Variants in CAST observed in about 807,000 individuals in gnomAD.
The protein encoded by CAST is MIR583 host.
A neutral mutation model predicts 119.6 loss-of-function variants in CAST; 76 were observed. That is an observed-to-expected ratio of 0.64 (90% CI 0.53 to 0.77). The LOEUF (loss-of-function observed/expected upper bound fraction) is 0.77. Among genes scored for constraint, CAST ranks in the 30% least tolerant of loss-of-function variants. The pLI, the probability that CAST is intolerant of heterozygous loss-of-function variation, is 0.00. For missense variants in CAST, 953 were observed against 946.5 expected, an observed-to-expected ratio of 1.01 and a Z score of -0.09; for synonymous variants, 319 against 331.6, an observed-to-expected ratio of 0.96 and a Z score of 0.41.
chr5:96,640,333 G>A (rs1242900890), intron 1 of CAST, among the ~76,000 whole-genome samples: 1 of 152,156 alleles, frequency 6.6e-6, no homozygotes, highest in African/African-American at 2.4e-5. Context: ...AGGAAGAAGA[G>A]AAGAAAGAGA....
chr5:96,157,526 T>A, the CAST span, among the ~76,000 whole-genome samples: 6 of 152,216 alleles, frequency 3.9e-5, no homozygotes, highest in Admixed American at 2.0e-4. Flanking sequence ...CTAGCATAGA[T>A]CTCCCTTACA....
the CAST span, among the ~76,000 whole-genome samples, chr5:96,377,867 T>C: frequency 5.9e-5 from 9 of 152,182 alleles, no homozygotes; most frequent in East Asian, 1.9e-4. Flanking sequence ...TTTTAATTTA[T>C]TGCTGCATTA....
chr5:96,748,947 C>T (rs182163915), intron 19 of CAST, among the ~76,000 whole-genome samples: 2 of 152,268 alleles, frequency 1.3e-5, no homozygotes, highest in Admixed American at 6.5e-5. Flanking sequence ...TCATGTCCGC[C>T]GGACTCATTC....
At chr5:96,248,716 A>G in the CAST span, among the ~76,000 whole-genome samples, 1 of 152,256 alleles carries the variant, frequency 6.6e-6, no homozygotes, top group African/African-American at 2.4e-5. Context: ...ATAATAATTC[A>G]CAATGAAATA....
the CAST span, among the ~76,000 whole-genome samples, chr5:95,972,207 T>A: frequency 1.3e-5 from 2 of 152,096 alleles, no homozygotes; most frequent in African/African-American, 4.8e-5. Flanking sequence ...AGTGTTGGGT[T>A]TACAGGTGTG....
the CAST span, among the ~76,000 whole-genome samples, chr5:96,015,693 G>T: frequency 1.3e-5 from 2 of 152,146 alleles, no homozygotes; most frequent in African/African-American, 4.8e-5. Flanking sequence ...CGAGCACATT[G>T]CTAGGCCCAC....
At chr5:96,396,210 A>G in the CAST span, among the ~76,000 whole-genome samples, 1 of 152,190 alleles carries the variant, frequency 6.6e-6, no homozygotes, top group Non-Finnish European at 1.5e-5. Context: ...ACAAACGACT[A>G]TAGAATTTGT....
At chr5:96,031,232 C>CAAA in the CAST span, among the ~76,000 whole-genome samples, 1 of 63,680 alleles carries the variant, frequency 1.6e-5, no homozygotes, top group African/African-American at 6.0e-5. Flanking sequence ...AGAACATGAC[C>CAAA]AAAAAAAAAA....
At chr5:96,302,399 C>T in the CAST span, among the ~76,000 whole-genome samples, 3 of 152,252 alleles carry the variant, frequency 2.0e-5, no homozygotes, top group Admixed American at 6.5e-5. Flanking sequence ...ACATTTGCTT[C>T]GTCTTTACTT....
At chr5:96,335,605 T>A in the CAST span, among the ~76,000 whole-genome samples, 1 of 152,176 alleles carries the variant, frequency 6.6e-6, no homozygotes, top group African/African-American at 2.4e-5. Flanking sequence ...TCAGCTACCA[T>A]CTGTATAGTA....
chr5:96,089,829 A>G, the CAST span, among the ~76,000 whole-genome samples: 2 of 152,244 alleles, frequency 1.3e-5, no homozygotes, highest in South Asian at 4.1e-4. Flanking sequence ...CTTCAAGTAA[A>G]TAGGTAACTA....
At chr5:96,727,264 C>T (rs934744952) in intron 5 of CAST, among the ~76,000 whole-genome samples, 3 of 152,126 alleles carry the variant, frequency 2.0e-5, no homozygotes, top group African/African-American at 7.2e-5. Flanking sequence ...ATAAATTGCT[C>T]CCTGAATAGT....
intron 1 of CAST, among the ~76,000 whole-genome samples, chr5:96,592,547 C>T (rs7725567): frequency 0.43 from 65,916 of 151,804 alleles, 15,594 homozygotes; most frequent in East Asian, 0.66. Context: ...CTAAAGAATC[C>T]CAGTTTTAGC....
At chr5:96,009,062 G>C in the CAST span, among the ~76,000 whole-genome samples, 1 of 152,122 alleles carries the variant, frequency 6.6e-6, no homozygotes, top group Non-Finnish European at 1.5e-5. Flanking sequence ...AGAACATGCA[G>C]TATTTATTTT....
chr5:96,554,036 C>A (rs1052863637), intron 1 of CAST, among the ~76,000 whole-genome samples: 1 of 152,198 alleles, frequency 6.6e-6, no homozygotes, highest in East Asian at 1.9e-4. Flanking sequence ...ACTTTCTTCA[C>A]AGAATTGGAA....
chr5:96,672,811 T>C (rs1258898796), intron 1 of CAST, among the ~76,000 whole-genome samples: 2 of 152,156 alleles, frequency 1.3e-5, no homozygotes, highest in Admixed American at 1.3e-4. Context: ...CATTATACTT[T>C]TGTGTATTTT....
chr5:96,238,047 C>CA, the CAST span, among the ~76,000 whole-genome samples: 1 of 151,726 alleles, frequency 6.6e-6, no homozygotes, highest in Non-Finnish European at 1.5e-5. Context: ...CATAATTAAA[C>CA]AAAATGAAAT....
chr5:96,156,400 T>C, the CAST span, among the ~76,000 whole-genome samples: 8 of 152,206 alleles, frequency 5.3e-5, no homozygotes, highest in African/African-American at 1.9e-4. Context: ...AGGAGACCAG[T>C]AGAAAGCATC....
At chr5:96,665,561 G>C (rs1290905002) in intron 1 of CAST, among the ~76,000 whole-genome samples, 3 of 152,036 alleles carry the variant, frequency 2.0e-5, no homozygotes, top group African/African-American at 7.2e-5. Context: ...TAGGTGGGTG[G>C]TCACAGACAA....
Sources: gnomAD v4.1 joint callset for allele counts (sites outside exome capture counted in the v4.1 genomes callset) on GRCh38, gnomAD v4.1.1 for gene constraint, MANE v1.5 for transcripts, NCBI Gene and HGNC (gene_info 2026-07-23, HGNC 2026-07-21) for gene names.